PTPRT: variants seen among roughly 807,000 people sequenced by gnomAD.
The protein encoded by PTPRT is receptor-type tyrosine-protein phosphatase T.
A neutral mutation model predicts 176.8 loss-of-function variants in PTPRT; 56 were observed. That is an observed-to-expected ratio of 0.32 (90% CI 0.26 to 0.40). The LOEUF is 0.40. PTPRT is among the 10% of genes least tolerant of loss of function. The probability of loss-of-function intolerance (pLI) is 1.00; values close to 1 mark genes in which losing one functional copy is unlikely to be tolerated. For missense variants in PTPRT, 1,540 were observed against 1,908.2 expected (o/e 0.81, Z 3.60); for synonymous variants, 783 against 739.0 (o/e 1.06, Z -0.96).
At chr20:42,788,293 C>T (rs1011511203) in intron 3 of PTPRT, among the ~76,000 whole-genome samples, 1 of 152,052 alleles carries the variant, frequency 6.6e-6, no homozygotes, top group Non-Finnish European at 1.5e-5. Flanking sequence ...ACTGGCCTGG[C>T]TCACGCAGGA....
intron 13 of PTPRT, among the ~76,000 whole-genome samples, chr20:42,277,335 A>G (rs901942822): frequency 6.6e-6 from 1 of 152,186 alleles, no homozygotes; most frequent in Non-Finnish European, 1.5e-5. Flanking sequence ...AAATCAAATC[A>G]AAGCTGATTT....
intron 1 of PTPRT, among the ~76,000 whole-genome samples, chr20:43,019,128 A>G (rs765341531): frequency 1.8e-4 from 28 of 152,370 alleles, no homozygotes; most frequent in Non-Finnish European, 3.8e-4. Flanking sequence ...AATACACTCA[A>G]TAAAAGGAGT....
chr20:42,966,565 A>G (rs1333685621), intron 1 of PTPRT: 1 of 152,174 alleles, frequency 6.6e-6, no homozygotes, highest in Admixed American at 6.5e-5. Flanking sequence ...CGCCCAACTT[A>G]TAGTAGAAAC....
At chr20:42,223,085 T>C (rs1044128464) in intron 15 of PTPRT, among the ~76,000 whole-genome samples, 6 of 152,184 alleles carry the variant, frequency 3.9e-5, no homozygotes, top group Non-Finnish European at 8.8e-5. Flanking sequence ...ACTGTGGTAG[T>C]GTGAGAGTAG....
intron 13 of PTPRT, among the ~76,000 whole-genome samples, chr20:42,277,275 C>T (rs575644100): frequency 6.6e-6 from 1 of 152,218 alleles, no homozygotes; most frequent in Non-Finnish European, 1.5e-5. Flanking sequence ...CTGCAAATGG[C>T]TTTATGGGTT....
intron 2 of PTPRT, among the ~76,000 whole-genome samples, chr20:42,880,040 T>C (rs1210137880): frequency 1.3e-5 from 2 of 152,068 alleles, no homozygotes; most frequent in Non-Finnish European, 2.9e-5. Context: ...GGTTCTCCCA[T>C]TTTACGAAGG....
intron 23 of PTPRT, 117 bp downstream of exon 23, chr20:42,110,216 T>G: frequency 1.0e-6 from 1 of 959,902 alleles, no homozygotes; most frequent in Non-Finnish European, 1.5e-6. Flanking sequence ...CCAGCTAAGT[T>G]TTTGTATCTT....
chr20:42,300,306 A>G (rs1027769950), intron 12 of PTPRT, among the ~76,000 whole-genome samples: 3 of 151,430 alleles, frequency 2.0e-5, no homozygotes, highest in African/African-American at 7.3e-5. Flanking sequence ...ATGGATAGAC[A>G]GGTAGAGGGA....
intron 2 of PTPRT, among the ~76,000 whole-genome samples, chr20:42,877,562 G>C (rs930766883): frequency 8.5e-5 from 13 of 152,206 alleles, no homozygotes; most frequent in African/African-American, 3.1e-4. Context: ...TGAGGCTCAA[G>C]ATACATGCTG....
At chr20:42,691,088 T>C (rs1034730510) in intron 6 of PTPRT, among the ~76,000 whole-genome samples, 1 of 152,224 alleles carries the variant, frequency 6.6e-6, no homozygotes, top group Admixed American at 6.5e-5. Context: ...CTTGGGCTCA[T>C]GCATCACATG....
intron 1 of PTPRT, among the ~76,000 whole-genome samples, chr20:43,154,944 G>T (rs1412848069): frequency 6.6e-6 from 1 of 152,122 alleles, no homozygotes; most frequent in African/African-American, 2.4e-5. Flanking sequence ...ACGGGTATAT[G>T]AAAAAATGCT....
At chr20:42,944,438 C>T (rs1980755038) in intron 1 of PTPRT, among the ~76,000 whole-genome samples, 1 of 152,192 alleles carries the variant, frequency 6.6e-6, no homozygotes, top group Non-Finnish European at 1.5e-5. Flanking sequence ...ACTGGCCTCC[C>T]TTTAATCCTG....
intron 7 of PTPRT, among the ~76,000 whole-genome samples, chr20:42,561,868 C>G (rs552458270): frequency 1.3e-5 from 2 of 152,322 alleles, no homozygotes; most frequent in South Asian, 4.1e-4. Flanking sequence ...GCCTCATTGA[C>G]TGTAACCCTC....
rs1212326100 is a variant in PTPRT, at chr20:42,619,648, T to A, written c.1153+58218A>T. On this transcript the variant is annotated intron_variant, in intron 7 of 30. Transcript: ENST00000373187. The stretch of plus-strand genomic sequence containing the variant: ...GGAGGCTTTGCTCATTTCTTTTTAT[T>A]CTTTTTTCTCTAAACTTCCCTTCTC... 7.4e-5 allele frequency among the ~76,000 whole-genome samples: 10 copies of A among 135,944 alleles called. 1 individual carries two copies. The highest frequency in any genetic ancestry group is 1.2e-4 in the Non-Finnish European group (8 of 65,496). The allele number at this position is 135,944 out of a possible 152,430, so 89.2% of individuals were successfully genotyped here.
chr20:42,385,319 C>A (rs1359012492), intron 9 of PTPRT, among the ~76,000 whole-genome samples: 1 of 152,152 alleles, frequency 6.6e-6, no homozygotes, highest in Middle Eastern at 3.4e-3. Context: ...CATAGATGAA[C>A]CTGGAGGGCA....
chr20:43,120,235 T>TAATACTGGG (rs1403595052), intron 1 of PTPRT, among the ~76,000 whole-genome samples: 3 of 151,988 alleles, frequency 2.0e-5, no homozygotes, highest in Admixed American at 2.0e-4. Flanking sequence ...TGGCCAATTA[T>TAATACTGGG]AATACTGGGA....
chr20:42,351,728 T>C (rs1421501090), intron 10 of PTPRT, among the ~76,000 whole-genome samples: 2 of 151,660 alleles, frequency 1.3e-5, no homozygotes, highest in Non-Finnish European at 3.0e-5. Context: ...ATCAGGTATT[T>C]CATGAGAACC....
chr20:42,285,551 T>C (rs1240724653), intron 12 of PTPRT, among the ~76,000 whole-genome samples: 1 of 151,940 alleles, frequency 6.6e-6, no homozygotes, highest in Non-Finnish European at 1.5e-5. Context: ...AAATGAAGCT[T>C]TATATTCAAT....
chr20:42,760,101 G>A (rs1600707595), intron 5 of PTPRT, among the ~76,000 whole-genome samples: 2 of 152,184 alleles, frequency 1.3e-5, no homozygotes, highest in East Asian at 3.9e-4. Context: ...TCAGTCATTG[G>A]TCAGGGCTCA....
Sources: allele counts gnomAD v4.1 joint callset (sites outside exome capture counted in the v4.1 genomes callset), GRCh38; gene constraint gnomAD v4.1.1; transcripts MANE v1.5; gene names NCBI Gene and HGNC (gene_info 2026-07-23, HGNC 2026-07-21).